CEACAM8: variants seen among roughly 807,000 people sequenced by gnomAD.
CEACAM8 encodes the protein CEA cell adhesion molecule 8.
A neutral mutation model predicts 33.4 loss-of-function variants in CEACAM8; 31 were observed. The observed-to-expected ratio is 0.93, with a 90% CI of 0.70 to 1.25. CEACAM8 has a LOEUF of 1.25. Ranked by LOEUF, CEACAM8 falls within the 50% of genes most tolerant of loss-of-function variation. The pLI, the probability that CEACAM8 is intolerant of heterozygous loss-of-function variation, is 0.00. For synonymous variants in CEACAM8, 138 were observed against 164.5 expected, an observed-to-expected ratio of 0.84 and a Z score of 1.23; for missense variants, 388 against 434.6, an observed-to-expected ratio of 0.89 and a Z score of 0.95.
In CEACAM8 at chr19:42,581,223, C is replaced by T. The variant is rs181016676; in HGVS notation, c.*171G>A. On this transcript the variant is annotated 3_prime_UTR_variant, in exon 6 of 6. Coordinates refer to ENST00000244336, the MANE Select transcript of CEACAM8 (RefSeq NM_001816.4). ...TGCAAGTTCATAGACAGTCCAGTGG[C>T]GTGATCTTAAAGTTATCAGGAACTT... 1.2e-4 allele frequency: 18 copies of T among 152,186 alleles called. No homozygotes were observed. Among genetic ancestry groups the T allele is most frequent in the African/African-American group, 4.3e-4 (18 of 41,498 alleles). The allele number at this position is 152,186 out of a possible 1,614,324, so 9.4% of individuals were successfully genotyped here. A position where few individuals can be genotyped will look rare whatever the true frequency, so the allele number is the denominator to read the frequency against.
intron 2 of CEACAM8, 79 bp from the exon 3 acceptor site, chr19:42,589,814 A>C: frequency 6.2e-7 from 1 of 1,604,420 alleles, no homozygotes; most frequent in Non-Finnish European, 8.5e-7. Flanking sequence ...TAGAGTTGGC[A>C]TCTCCCACCT....
chr19:42,584,053 G>A (rs993640463), intron 4 of CEACAM8, among the ~76,000 whole-genome samples: 2 of 152,044 alleles, frequency 1.3e-5, no homozygotes, highest in African/African-American at 4.8e-5. Context: ...CATCTTGGTT[G>A]CATCTCAGTG....
chr19:42,584,171 T>A (rs920070269), intron 4 of CEACAM8, among the ~76,000 whole-genome samples: 3 of 151,604 alleles, frequency 2.0e-5, no homozygotes, highest in Admixed American at 1.3e-4. Context: ...GCCTTTTTTT[T>A]ATATGTGTGT....
At chr19:42,587,075 A>C (rs1003164784) in intron 4 of CEACAM8, among the ~76,000 whole-genome samples, 3 of 152,208 alleles carry the variant, frequency 2.0e-5, no homozygotes, top group African/African-American at 7.2e-5. Flanking sequence ...TTAAAAAAAA[A>C]CCACACACAC....
chr19:42,583,052 T>G (rs1436680247), intron 5 of CEACAM8, 154 bp downstream of exon 5: 7 of 586,328 alleles, frequency 1.2e-5, no homozygotes, highest in Non-Finnish European at 2.1e-5. Flanking sequence ...ACAGGGAGCA[T>G]GCAGACCAGG....
intron 4 of CEACAM8, among the ~76,000 whole-genome samples, chr19:42,587,201 TAAAC>T (rs1169854984): frequency 1.3e-5 from 2 of 152,228 alleles, no homozygotes; most frequent in African/African-American, 2.4e-5. Context: ...CTCAAACAAT[TAAAC>T]AAAGAATTAC....
chr19:42,591,053 A>C (rs2042429835), intron 2 of CEACAM8, among the ~76,000 whole-genome samples: 1 of 152,206 alleles, frequency 6.6e-6, no homozygotes, highest in Non-Finnish European at 1.5e-5. Flanking sequence ...GTGGCCAAAA[A>C]ATGTGGAATT....
intron 4 of CEACAM8, 41 bp from the exon 5 acceptor site, chr19:42,583,378 C>T: frequency 7.1e-7 from 1 of 1,411,414 alleles, no homozygotes; most frequent in Non-Finnish European, 1.0e-6. Context: ...GAAGTTGATG[C>T]CATTTTACAG....
At position 42,593,764 on chromosome 19, in the gene CEACAM8, C is replaced by T; in HGVS notation, c.201G>A (p.Trp67Ter). Residue 67 changes from tryptophan to a stop codon, truncating the protein, a stop_gained, in exon 2 of 6, where the codon TGG becomes TGA. Coordinates refer to ENST00000244336, the MANE Select transcript of CEACAM8 (RefSeq NM_001816.4). LOFTEE classifies it high-confidence loss of function. ...TGGCATCCACTGTTTCCCCTTTGTACCAGTTGTAGCCACGAGGGTCCTGGG... is the reference window on the plus strand; with the variant it reads ...TGGCATCCACTGTTTCCCCTTTGTATCAGTTGTAGCCACGAGGGTCCTGGG... ...NLPQDPRGYN[W>*]YKGETVDANR... 6.2e-7 allele frequency: 1 copy of T among 1,613,970 alleles called. No homozygotes were observed. The highest frequency in any genetic ancestry group is 8.5e-7 in the Non-Finnish European group (1 of 1,179,992).
rs45536044 is a variant in CEACAM8, at chr19:42,583,312, A to G, written c.984T>C (p.Pro328=). 3.9e-4 allele frequency: 623 copies of G among 1,613,246 alleles called. 3 individuals carry two copies. The African/African-American group carries it at 7.1e-3, about 18-fold the overall frequency. Residue 328 remains proline, a synonymous_variant, in exon 5 of 6, where the codon CCT becomes CCC. Coordinates refer to ENST00000244336, the MANE Select transcript of CEACAM8 (RefSeq NM_001816.4). ...VSDALVQGSS[P]GLSARATVSI... ...TGACAGTGGCTCTAGCTGAGAGGCC[A>G]GGAGAACTTCCTTGTACTAAAGCAT...
chr19:42,585,343 A>C (rs540353465), intron 4 of CEACAM8, among the ~76,000 whole-genome samples: 115 of 151,442 alleles, frequency 7.6e-4, no homozygotes, highest in Non-Finnish European at 1.5e-3. Context: ...ACAAAAAAAA[A>C]ACGAAAGAAA....
At chr19:42,584,107 T>A (rs1163257841) in intron 4 of CEACAM8, among the ~76,000 whole-genome samples, 4 of 152,304 alleles carry the variant, frequency 2.6e-5, no homozygotes, top group Non-Finnish European at 5.9e-5. Context: ...GCACTTAGCT[T>A]TTTTTCTCTC....
rs770219701 is a variant in CEACAM8 at position 42,583,207 on chromosome 19, T to C, written c.*39A>G. On this transcript the variant is annotated splice_region_variant and 3_prime_UTR_variant, in exon 5 of 6. Transcript: ENST00000244336. ...GGACAAGAGGAAAGGCCATCATACC[T>C]GCCAGTCTTCTTGAAATGCAGAAAC... 24 of 1,318,200 alleles carry C rather than the reference T, an allele frequency of 1.8e-5. No individual in the cohort carries two copies. The highest frequency in any genetic ancestry group is 8.9e-5 in the African/African-American group (6 of 67,668). 81.7% of individuals were successfully genotyped at this position (1,318,200 alleles called of 1,614,324 possible). A position where few individuals can be genotyped will look rare whatever the true frequency, so the allele number is the denominator to read the frequency against.
chr19:42,593,654 T>C lies in CEACAM8; in HGVS notation c.311A>G (p.Asn104Ser), dbSNP rs551513615. ...GACGTTCCGCATCAGCAGGGATGCA[T>C]TGGGGTATATTGTCTCTCGATTGCT... ...AYSNRETIYPNASLLMRNVTR... is the reference protein window; with the variant it reads ...AYSNRETIYPSASLLMRNVTR... Residue 104 changes from asparagine to serine, a missense_variant, in exon 2 of 6, where the codon AAT (asparagine) becomes AGT (serine). Transcript: ENST00000244336. 5 of 1,614,000 alleles carry C rather than the reference T, an allele frequency of 3.1e-6. No individual in the cohort carries two copies. The African/African-American group carries it at 4.0e-5, about 13-fold the overall frequency.
At position 42,594,750 on chromosome 19, in the gene CEACAM8, A is replaced by G. The variant is rs781314403; in HGVS notation, c.64+15T>C. The G allele has an allele frequency of 1.2e-6, 2 of 1,602,812 alleles. No homozygotes were observed. Among genetic ancestry groups the G allele is most frequent in the Admixed American group, 1.7e-5 (1 of 59,754 alleles). On this transcript the variant is annotated intron_variant, in intron 1 of 5. Coordinates refer to ENST00000244336, the MANE Select transcript of CEACAM8 (RefSeq NM_001816.4). ...TTTCCTCCTCCTGTCCTTTCCCAGG[A>G]AGTCCTCTCCTCACCTGTGAGCAGG... is the stretch of plus-strand genomic sequence containing the variant.
chr19:42,585,672 CT>C (rs2042325211), intron 4 of CEACAM8, among the ~76,000 whole-genome samples: 1 of 152,168 alleles, frequency 6.6e-6, no homozygotes, highest in African/African-American at 2.4e-5. Context: ...AGCTTTCCCC[CT>C]ATGATCAGGA....
Position 42,593,527 on chromosome 19 carries a change from G to T in CEACAM8, c.424+14C>A. On this transcript the variant is annotated intron_variant, in intron 2 of 5. Coordinates refer to ENST00000244336, the MANE Select transcript of CEACAM8 (RefSeq NM_001816.4). ...CTGACCCCCAACACCCAGAGGTCAT[G>T]GGGAATCACTCACGATGTACGCTGA... The T allele has an allele frequency of 6.4e-7, 1 of 1,550,968 alleles. No homozygotes were observed. Among genetic ancestry groups the T allele is most frequent in the South Asian group, 1.3e-5 (1 of 79,902 alleles).
chr19:42,588,726 G>T (rs2042377428), intron 4 of CEACAM8, 58 bp downstream of exon 4: 2 of 1,591,780 alleles, frequency 1.3e-6, no homozygotes, highest in Non-Finnish European at 1.7e-6. Context: ...GCTCATCTCT[G>T]AAAGCCAGAT....
chr19:42,593,345 T>A (rs1312562624), intron 2 of CEACAM8, among the ~76,000 whole-genome samples, 196 bp downstream of exon 2: 4 of 152,224 alleles, frequency 2.6e-5, no homozygotes, highest in South Asian at 2.1e-4. Flanking sequence ...CGTGAGTGTC[T>A]GCAGGGTCTG....
Sources: allele counts gnomAD v4.1 joint callset (sites outside exome capture counted in the v4.1 genomes callset), GRCh38; gene constraint gnomAD v4.1.1; transcripts MANE v1.5; gene names NCBI Gene and HGNC (gene_info 2026-07-23, HGNC 2026-07-21).